Variants in THSD7B observed in about 807,000 individuals in gnomAD.
The protein encoded by THSD7B is thrombospondin type 1 domain containing 7B.
A neutral mutation model predicts 213.6 loss-of-function variants in THSD7B; 138 were observed. The observed-to-expected ratio is 0.65, with a 90% CI of 0.56 to 0.74. The LOEUF (loss-of-function observed/expected upper bound fraction) is 0.74, where lower values mean the gene tolerates loss of function less well. Among genes scored for constraint, THSD7B ranks in the 30% least tolerant of loss-of-function variants. THSD7B has a pLI of 0.00. For missense variants in THSD7B, 1,931 were observed against 1,991.5 expected, an observed-to-expected ratio of 0.97 and a Z score of 0.58; for synonymous variants, 742 against 687.0, an observed-to-expected ratio of 1.08 and a Z score of -1.25.
intron 1 of THSD7B, among the ~76,000 whole-genome samples, chr2:136,851,878 A>G (rs546833124): frequency 1.3e-4 from 20 of 152,024 alleles, no homozygotes; most frequent in Non-Finnish European, 2.6e-4. Flanking sequence ...ATCAGTGACA[A>G]AGGATCTAAC....
At chr2:137,173,264 A>G (rs1380391955) in intron 7 of THSD7B, among the ~76,000 whole-genome samples, 1 of 152,216 alleles carries the variant, frequency 6.6e-6, no homozygotes, top group Non-Finnish European at 1.5e-5. Flanking sequence ...ACATGAAAAT[A>G]ATAAGGAGGA....
At position 137,642,527 on chromosome 2, in the gene THSD7B, A is replaced by G. The variant is rs991788915; in HGVS notation, c.3839A>G (p.Gln1280Arg). The G allele has an allele frequency of 1.9e-6, 3 of 1,613,704 alleles. No individual in the cohort carries two copies. The African/African-American group carries it at 4.0e-5, about 22-fold the overall frequency. ...SRTRFIIMPT[Q>R]GEGRPCPTEL... ...ACTCGATTTATCATTATGCCAACCC[A>G]AGGAGAAGGACGGCCATGCCCCACA... The change falls in exon 21 of 28, where the codon CAA becomes CGA. Residue 1280 changes from glutamine to arginine, a missense_variant. Transcript: ENST00000409968.
At chr2:137,056,290 G>A (rs1449620583) in intron 2 of THSD7B, 130 bp from the exon 3 acceptor site, 1 of 853,142 alleles carries the variant, frequency 1.2e-6, no homozygotes, top group Non-Finnish European at 1.8e-6. Flanking sequence ...AAATTATGTT[G>A]TCTCTGTTCC....
intron 10 of THSD7B, among the ~76,000 whole-genome samples, chr2:137,248,744 A>C (rs935318487): frequency 6.6e-6 from 1 of 152,168 alleles, no homozygotes; most frequent in Non-Finnish European, 1.5e-5. Context: ...TTGAGTAATC[A>C]AAGCTTTGAG....
intron 15 of THSD7B, among the ~76,000 whole-genome samples, chr2:137,488,913 C>T (rs926640624): frequency 7.2e-5 from 11 of 152,108 alleles, no homozygotes; most frequent in African/African-American, 2.7e-4. Flanking sequence ...CATGAAGTCT[C>T]CAGGATCCCC....
intron 2 of THSD7B, chr2:136,991,017 C>A (rs1685771229): frequency 9.0e-7 from 1 of 1,111,356 alleles, no homozygotes; most frequent in Non-Finnish European, 1.2e-6. Flanking sequence ...TACCTGTCCT[C>A]CCCAAAAAAG....
intron 14 of THSD7B, among the ~76,000 whole-genome samples, chr2:137,431,251 T>C (rs954873967): frequency 1.3e-5 from 2 of 152,192 alleles, no homozygotes; most frequent in Admixed American, 1.3e-4. Context: ...ATAGGTAAAT[T>C]TAAACATTTT....
chr2:137,477,131 T>C (rs1188678390), intron 15 of THSD7B, among the ~76,000 whole-genome samples: 1 of 152,228 alleles, frequency 6.6e-6, no homozygotes, highest in African/African-American at 2.4e-5. Flanking sequence ...CCAGCTATTA[T>C]TGTATTGCAG....
chr2:137,674,130 T>G (rs182633815), intron 27 of THSD7B, among the ~76,000 whole-genome samples: 107 of 152,328 alleles, frequency 7.0e-4, no homozygotes, highest in Non-Finnish European at 5.6e-4. Context: ...TATAGAGATA[T>G]GACCACCTCT....
intron 17 of THSD7B, among the ~76,000 whole-genome samples, chr2:137,602,310 G>A (rs535686217): frequency 1.1e-4 from 16 of 151,414 alleles, no homozygotes; most frequent in South Asian, 4.2e-4. Context: ...TTGCTCCTTC[G>A]CCAGGCTGGA....
intron 26 of THSD7B, among the ~76,000 whole-genome samples, chr2:137,666,274 G>GAA (rs1683444434): frequency 6.6e-6 from 1 of 151,918 alleles, no homozygotes; most frequent in African/African-American, 2.4e-5. Flanking sequence ...TCTCACTCAG[G>GAA]AAAGACTTTT....
chr2:137,090,358 G>A (rs961988920), intron 3 of THSD7B, among the ~76,000 whole-genome samples: 2 of 152,080 alleles, frequency 1.3e-5, no homozygotes, highest in Non-Finnish European at 2.9e-5. Flanking sequence ...AGTTTTGCTA[G>A]AAAGGTATGG....
chr2:137,456,398 A>G (rs1369233216), intron 15 of THSD7B, among the ~76,000 whole-genome samples: 1 of 152,210 alleles, frequency 6.6e-6, no homozygotes, highest in Admixed American at 6.5e-5. Flanking sequence ...TGAAAATAGG[A>G]TAACTGCCAT....
intron 7 of THSD7B, among the ~76,000 whole-genome samples, chr2:137,210,474 G>A (rs1681079031): frequency 6.6e-6 from 1 of 152,014 alleles, no homozygotes. Flanking sequence ...AGGCTGATTT[G>A]AAGTATTCGT....
rs1182434413 is a variant in THSD7B, at chr2:137,206,459, C to T, written c.1724-24585C>T. On this transcript the variant is annotated intron_variant, in intron 7 of 27. Coordinates refer to ENST00000409968, the MANE Select transcript of THSD7B (RefSeq NM_001316349.2). ...ACTCAGAGGTTTTCAGCCCTGACTG[C>T]GTATTAGTTACCTGTCACATTAGAG... Among the ~76,000 whole-genome samples, 12 of 152,148 alleles carry T rather than the reference C, an allele frequency of 7.9e-5. No homozygotes were observed. The East Asian group carries it at 1.5e-3, about 20-fold the overall frequency.
intron 1 of THSD7B, among the ~76,000 whole-genome samples, chr2:136,806,360 G>T (rs968014718): frequency 6.6e-6 from 1 of 152,092 alleles, no homozygotes; most frequent in Non-Finnish European, 1.5e-5. Context: ...ATATTTCTCT[G>T]TCTGTAAAAT....
chr2:137,642,389 T>G, intron 20 of THSD7B, 99 bp from the exon 21 acceptor site: 2 of 1,418,086 alleles, frequency 1.4e-6, no homozygotes, highest in Non-Finnish European at 1.9e-6. Context: ...GTTCAGTCTA[T>G]TAAAATGAAG....
intron 16 of THSD7B, among the ~76,000 whole-genome samples, chr2:137,563,703 G>C (rs1681170782): frequency 6.6e-6 from 1 of 152,028 alleles, no homozygotes; most frequent in Non-Finnish European, 1.5e-5. Context: ...TTTGCATTAT[G>C]GTTAGTATAG....
intron 2 of THSD7B, among the ~76,000 whole-genome samples, chr2:137,020,604 T>G (rs1243035410): frequency 6.6e-6 from 1 of 152,132 alleles, no homozygotes; most frequent in African/African-American, 2.4e-5. Flanking sequence ...GAGAAACCCC[T>G]GTACCCTGCA....
Sources: gnomAD v4.1 joint callset for allele counts (sites outside exome capture counted in the v4.1 genomes callset) on GRCh38, gnomAD v4.1.1 for gene constraint, MANE v1.5 for transcripts, NCBI Gene and HGNC (gene_info 2026-07-23, HGNC 2026-07-21) for gene names.